The following APAF1 variants were observed in gnomAD, a reference collection of about 807,000 sequenced individuals.
The protein encoded by APAF1 is apoptotic peptidase activating factor 1.
Under a neutral mutation model 152.4 loss-of-function variants are expected in APAF1, and 91 were observed. That is an observed-to-expected ratio of 0.60 (90% CI 0.50 to 0.71). The LOEUF (loss-of-function observed/expected upper bound fraction) is 0.71. Ranked by LOEUF, APAF1 falls within the 30% of genes least tolerant of loss-of-function variation. APAF1 has a pLI of 0.00. For synonymous variants in APAF1, 484 were observed against 494.1 expected (o/e 0.98, Z 0.27); for missense variants, 1,283 against 1,472.0 (o/e 0.87, Z 2.10).
At chr12:98,671,136 TTTTACA>T (rs768082582) in intron 11 of APAF1, 50 bp downstream of exon 11, 9 of 1,137,960 alleles carry the variant, frequency 7.9e-6, no homozygotes, top group South Asian at 5.1e-5. Context: ...TCTCATTTTT[TTTTACA>T]TTTAATTCTA....
intron 16 of APAF1, among the ~76,000 whole-genome samples, chr12:98,689,474 C>CTGTG (rs796807068): frequency 0.14 from 18,988 of 133,474 alleles, 1,210 homozygotes; most frequent in East Asian, 0.27. Flanking sequence ...GTGTGTGTGT[C>CTGTG]TGTGTGTGTG....
chr12:98,652,093 G>T (rs2097649724), intron 4 of APAF1, among the ~76,000 whole-genome samples: 1 of 151,966 alleles, frequency 6.6e-6, no homozygotes, highest in Non-Finnish European at 1.5e-5. Context: ...GGAATTGCAG[G>T]TGTAAGCCAC....
chr12:98,671,010 A>G lies in APAF1; in HGVS notation c.1532A>G (p.Lys511Arg), dbSNP rs1363656906. 11 of 1,612,970 alleles carry G rather than the reference A, an allele frequency of 6.8e-6. No individual in the cohort carries two copies. The Admixed American group carries it at 1.7e-4, about 24-fold the overall frequency. Residue 511 changes from lysine to arginine, a missense_variant, in exon 11 of 27, where the codon AAA becomes AGA. Physicochemically the swap from Lys to Arg is conservative, Grantham distance 26. Transcript: ENST00000551964. ...CALMFSLDWI[K>R]AKTELVGPAH... ...TTAATGTTTTCCCTGGATTGGATTA[A>G]AGCAAAAACAGAACTTGTAGGCCCT...
chr12:98,655,350 C>T (rs1207928604), intron 4 of APAF1, among the ~76,000 whole-genome samples: 2 of 151,514 alleles, frequency 1.3e-5, no homozygotes, highest in Admixed American at 6.6e-5. Flanking sequence ...TTGGGCACAC[C>T]TCCCAGACGG....
chr12:98,688,106 G>A (rs2097699929), intron 16 of APAF1, among the ~76,000 whole-genome samples: 1 of 152,082 alleles, frequency 6.6e-6, no homozygotes, highest in South Asian at 2.1e-4. Context: ...CACAAGGTAG[G>A]AAAAATGCAA....
Position 98,735,175 on chromosome 12 carries a change from G to C in APAF1, c.*2609G>C. ...AAATTTCATGGCAGTTCATGCAGTC[G>C]GTCAAGAGGAGGATTTTGTTTTGTA... On this transcript the variant is annotated 3_prime_UTR_variant, in exon 27 of 27. Coordinates refer to ENST00000551964, the MANE Select transcript of APAF1 (RefSeq NM_181861.2). 2.5e-6 allele frequency: 1 copy of C among 398,762 alleles called. No homozygotes were observed. Among genetic ancestry groups the C allele is most frequent in the Non-Finnish European group, 4.4e-6 (1 of 226,222 alleles). The allele number at this position is 398,762 out of a possible 1,614,324, so 24.7% of individuals were successfully genotyped here. A position where few individuals can be genotyped will look rare whatever the true frequency, so the allele number is the denominator to read the frequency against.
intron 16 of APAF1, among the ~76,000 whole-genome samples, chr12:98,693,442 C>T (rs2097706471): frequency 6.6e-6 from 1 of 152,132 alleles, no homozygotes; most frequent in African/African-American, 2.4e-5. Flanking sequence ...TCAGGGTTTA[C>T]ATCATTGTAA....
intron 4 of APAF1, among the ~76,000 whole-genome samples, chr12:98,652,196 T>G (rs2097649837): frequency 6.6e-6 from 1 of 151,878 alleles, no homozygotes; most frequent in African/African-American, 2.4e-5. Context: ...CAAGTGATGC[T>G]CCCGCCTTGG....
chr12:98,665,420 G>C (rs1324973360), intron 7 of APAF1, 133 bp from the exon 8 acceptor site: 2 of 737,866 alleles, frequency 2.7e-6, no homozygotes, highest in East Asian at 4.9e-5. Flanking sequence ...GTGAAGTCAA[G>C]AGTGATAAAT....
intron 7 of APAF1, among the ~76,000 whole-genome samples, chr12:98,663,074 T>C (rs12581724): frequency 0.12 from 18,551 of 152,232 alleles, 1,197 homozygotes; most frequent in East Asian, 0.25. Flanking sequence ...CCTCTGCTGT[T>C]AGAGTTAAAA....
chr12:98,679,479 C>T (rs1472231812), intron 13 of APAF1, among the ~76,000 whole-genome samples: 1 of 152,238 alleles, frequency 6.6e-6, no homozygotes, highest in Non-Finnish European at 1.5e-5. Flanking sequence ...CCACATTCTT[C>T]CTGGTTGTAG....
chr12:98,659,312 C>G lies in APAF1; in HGVS notation c.679C>G (p.Leu227Val). ...PLNIEEAKDRLRILMLRKHPR... is the reference protein window; with the variant it reads ...PLNIEEAKDRVRILMLRKHPR... ...TAATATTGAAGAGGCTAAAGACCGT[C>G]TCCGCATTCTGATGCTTCGCAAACA... Residue 227 changes from leucine to valine, a missense_variant, in exon 5 of 27, where the codon CTC becomes GTC. Transcript: ENST00000551964. 1 of 1,614,192 alleles carries G rather than the reference C, an allele frequency of 6.2e-7. No individual in the cohort carries two copies. The highest frequency in any genetic ancestry group is 8.5e-7 in the Non-Finnish European group (1 of 1,180,038).
chr12:98,670,845 A>G (rs1385098418), intron 10 of APAF1, 128 bp from the exon 11 acceptor site: 1 of 653,062 alleles, frequency 1.5e-6, no homozygotes, highest in African/African-American at 1.8e-5. Context: ...GTTCTTTCTC[A>G]CTAGCTTTTG....
intron 21 of APAF1, 119 bp from the exon 22 acceptor site, chr12:98,715,308 G>A (rs2097733481): frequency 3.4e-6 from 2 of 595,946 alleles, no homozygotes; most frequent in Admixed American, 5.5e-5. Flanking sequence ...TAATTAGGCT[G>A]GAAGCACCAG....
chr12:98,689,459 A>G (rs867075473), intron 16 of APAF1, among the ~76,000 whole-genome samples: 1 of 133,864 alleles, frequency 7.5e-6, no homozygotes, highest in Non-Finnish European at 1.6e-5. Context: ...AGAGAGAGAG[A>G]GAGAGTGTGT....
chr12:98,699,315 A>AT, intron 16 of APAF1, 93 bp from the exon 17 acceptor site: 1 of 1,259,058 alleles, frequency 7.9e-7, no homozygotes, highest in Non-Finnish European at 1.1e-6. Context: ...AGTGAAGTGA[A>AT]TAAGTTTATG....
At chr12:98,728,397 T>G (rs1376326936) in intron 26 of APAF1, among the ~76,000 whole-genome samples, 1 of 152,148 alleles carries the variant, frequency 6.6e-6, no homozygotes, top group African/African-American at 2.4e-5. Flanking sequence ...GGAAAATGAT[T>G]TTCTATGGAG....
chr12:98,659,011 C>G (rs2097661283), intron 4 of APAF1, 149 bp from the exon 5 acceptor site: 2 of 738,704 alleles, frequency 2.7e-6, no homozygotes, highest in South Asian at 3.5e-5. Flanking sequence ...CTACCAGTAT[C>G]TTGCACGTAA....
chr12:98,727,248 G>A lies in APAF1; in HGVS notation c.3532G>A (p.Gly1178Ser). The change falls in exon 26 of 27, where the codon GGC (glycine) becomes AGC (serine). Residue 1178 changes from glycine (G) to serine (S), a missense_variant. Gly to Ser is a moderately conservative substitution (Grantham distance 56). Coordinates refer to ENST00000551964, the MANE Select transcript of APAF1 (RefSeq NM_181861.2). ...LSEEGAATHGGWVTDLCFSPD... is the reference protein window; with the variant it reads ...LSEEGAATHGSWVTDLCFSPD... Reference sequence around the variant, plus strand: ...AGAAGAAGGAGCTGCTACCCATGGAGGCTGGGTGACTGACCTTTGCTTTTC... The same window carrying A: ...AGAAGAAGGAGCTGCTACCCATGGAAGCTGGGTGACTGACCTTTGCTTTTC... 6.2e-7 allele frequency: 1 copy of A among 1,614,086 alleles called. No homozygotes were observed. The highest frequency in any genetic ancestry group is 8.5e-7 in the Non-Finnish European group (1 of 1,179,948).
Sources: gnomAD v4.1 joint callset for allele counts (sites outside exome capture counted in the v4.1 genomes callset) on GRCh38, gnomAD v4.1.1 for gene constraint, MANE v1.5 for transcripts, NCBI Gene and HGNC (gene_info 2026-07-23, HGNC 2026-07-21) for gene names.